Variants in TRA2B observed in about 807,000 individuals in gnomAD.
TRA2B encodes the protein transformer-2 protein homolog beta.
In TRA2B, 14 loss-of-function variants were observed where a neutral mutation model predicts 41.7. That is an observed-to-expected ratio of 0.34 (90% CI 0.22 to 0.53). The LOEUF (loss-of-function observed/expected upper bound fraction) is 0.53, where lower values mean the gene tolerates loss of function less well. Ranked by LOEUF, TRA2B falls within the 20% of genes least tolerant of loss-of-function variation. TRA2B has a pLI of 0.95. For missense variants in TRA2B, 167 were observed against 396.8 expected (o/e 0.42, Z 4.92); for synonymous variants, 130 against 128.8 (o/e 1.01, Z -0.06).
intron 7 of TRA2B, among the ~76,000 whole-genome samples, chr3:185,918,912 T>C (rs1315335137): frequency 3.3e-5 from 5 of 152,026 alleles, no homozygotes; most frequent in South Asian, 2.1e-4. Flanking sequence ...ATGCAGAGAC[T>C]GCAGTGAGCT....
Position 185,935,796 on chromosome 3 carries a change from A to T in TRA2B, c.36+2029T>A, listed in dbSNP as rs4312685. 4.7e-4 allele frequency: 464 copies of T among 985,440 alleles called. 2 individuals are homozygous for T. In the African/African-American group the frequency reaches 7.0e-3, roughly 15 times the overall value. The allele number at this position is 985,440 out of a possible 1,614,324, so 61.0% of individuals were successfully genotyped here. ...GTGTATTCCAACCCTTAAAGGTTCC[A>T]ATTGGAACACAAACACGCAAACACC... is the stretch of plus-strand genomic sequence containing the variant. On this transcript the variant is annotated intron_variant, in intron 1 of 8. Coordinates refer to ENST00000453386, the MANE Select transcript of TRA2B (RefSeq NM_004593.3).
intron 1 of TRA2B, chr3:185,934,677 TCA>T (rs1744280404): frequency 1.0e-6 from 1 of 985,324 alleles, no homozygotes; most frequent in Non-Finnish European, 1.2e-6. Flanking sequence ...CAGAGATGTT[TCA>T]GTTTTGAAAA....
In TRA2B at chr3:185,921,091, C is replaced by T. The variant is rs909748017; in HGVS notation, c.722+13G>A. 4 of 1,611,576 alleles carry T rather than the reference C, an allele frequency of 2.5e-6. No homozygotes were observed. Among genetic ancestry groups the T allele is most frequent in the East Asian group, 4.5e-5 (2 of 44,876 alleles). The stretch of plus-strand genomic sequence containing the variant: ...TGAGATTCAGACGTTGACCTTTCTA[C>T]CTCATAACTTACCTGTATGATCTGC... On this transcript the variant is annotated intron_variant, in intron 6 of 8. Coordinates refer to ENST00000453386, the MANE Select transcript of TRA2B (RefSeq NM_004593.3).
intron 4 of TRA2B, 140 bp downstream of exon 4, chr3:185,923,656 T>A: frequency 1.4e-6 from 1 of 733,742 alleles, no homozygotes; most frequent in Non-Finnish European, 2.1e-6. Flanking sequence ...TCTGCATGTA[T>A]CTTGAGTCTC....
chr3:185,919,536 G>T lies in TRA2B; in HGVS notation c.723-40C>A, dbSNP rs779734563. ...AGGCAACACAACACGCATTCAGTTT[G>T]TAAGTTTTAAAAAATTATGTCATTC... On this transcript the variant is annotated intron_variant, in intron 6 of 8. Transcript: ENST00000453386. 26 of 1,552,562 alleles carry T rather than the reference G, an allele frequency of 1.7e-5. 1 individual carries two copies. In the African/African-American group the frequency reaches 1.9e-4, roughly 12 times the overall value.
chr3:185,921,077 CGTT>C, intron 6 of TRA2B, 24 bp downstream of exon 6: 1 of 1,597,708 alleles, frequency 6.3e-7, no homozygotes, highest in Non-Finnish European at 8.6e-7. Context: ...GAGATTCAGA[CGTT>C]GACCTTTCTA....
Position 185,923,782 on chromosome 3 carries a change from G to A in TRA2B, c.522+14C>T, listed in dbSNP as rs201101279. The A allele has an allele frequency of 1.9e-4, 298 of 1,596,434 alleles. No homozygotes were observed. Among genetic ancestry groups the A allele is most frequent in the Non-Finnish European group, 2.4e-4 (282 of 1,172,210 alleles). ...TAGAACTGATGGTTTACAAAGGAAC[G>A]GGCTTTTACTTACTTCCTTGGCATC... On this transcript the variant is annotated intron_variant, in intron 4 of 8. Transcript: ENST00000453386.
At chr3:185,922,182 T>C in intron 4 of TRA2B, 56 bp from the exon 5 acceptor site, 8 of 1,303,238 alleles carry the variant, frequency 6.1e-6, no homozygotes, top group South Asian at 1.3e-5. Context: ...CTAATTATCC[T>C]GTGGCTATGA....
At position 185,915,236 on chromosome 3, in the gene TRA2B, A is replaced by G. The variant is rs749165836; in HGVS notation, c.*2479T>C. Among the ~76,000 whole-genome samples, 2 of 152,208 alleles carry G rather than the reference A, an allele frequency of 1.3e-5. No individual in the cohort carries two copies. Among genetic ancestry groups the G allele is most frequent in the Non-Finnish European group, 2.9e-5 (2 of 68,034 alleles). ...CTGGGACCCTGTTGATTTCCTGAGA[A>G]GTTTCACAAAAGCCTAGTATAAAAC... On this transcript the variant is annotated 3_prime_UTR_variant, in exon 9 of 9. Coordinates refer to ENST00000453386, the MANE Select transcript of TRA2B (RefSeq NM_004593.3).
chr3:185,922,404 C>CT (rs1367096174), intron 4 of TRA2B: 2 of 250,228 alleles, frequency 8.0e-6, no homozygotes, highest in African/African-American at 2.2e-5. Context: ...AAACTATAGC[C>CT]TGTAGGTCAA....
chr3:185,934,275 C>A (rs966985688), intron 1 of TRA2B, among the ~76,000 whole-genome samples: 2 of 152,070 alleles, frequency 1.3e-5, no homozygotes. Flanking sequence ...TTGTCCTGGG[C>A]AAAATAGCTA....
chr3:185,935,391 A>C, intron 1 of TRA2B: 1 of 985,420 alleles, frequency 1.0e-6, no homozygotes, highest in Non-Finnish European at 1.2e-6. Flanking sequence ...TGAGGGACAC[A>C]CCAGTTCTTT....
chr3:185,924,055 G>A, intron 3 of TRA2B, 71 bp from the exon 4 acceptor site: 2 of 1,359,872 alleles, frequency 1.5e-6, no homozygotes, highest in Non-Finnish European at 2.0e-6. Flanking sequence ...AAAGGGAGCT[G>A]TATACTAGCC....
intron 5 of TRA2B, among the ~76,000 whole-genome samples, 154 bp downstream of exon 5, chr3:185,921,857 C>A (rs1394614386): frequency 6.6e-6 from 1 of 152,200 alleles, no homozygotes; most frequent in Non-Finnish European, 1.5e-5. Context: ...GGTTGAACTT[C>A]TACTATGAGA....
chr3:185,923,280 A>T (rs1208963852), intron 4 of TRA2B: 1 of 152,388 alleles, frequency 6.6e-6, no homozygotes, highest in Non-Finnish European at 1.5e-5. Context: ...TCCGTTTGTC[A>T]TTAAGTGTTT....
At chr3:185,927,747 G>A (rs1744006532) in intron 1 of TRA2B, 1 of 152,190 alleles carries the variant, frequency 6.6e-6, no homozygotes, top group African/African-American at 2.4e-5. Context: ...ACGAGCTAAA[G>A]ACACATAATC....
intron 6 of TRA2B, among the ~76,000 whole-genome samples, chr3:185,920,682 T>C (rs899577137): frequency 3.3e-5 from 5 of 152,260 alleles, no homozygotes; most frequent in Admixed American, 1.3e-4. Context: ...TAGCTGGGAC[T>C]ACAGGCGTGC....
At position 185,936,651 on chromosome 3, in the gene TRA2B, C is replaced by T. The variant is rs912341521; in HGVS notation, c.36+1174G>A. The T allele has an allele frequency of 1.1e-5, 11 of 983,806 alleles. No individual in the cohort carries two copies. The African/African-American group carries it at 1.8e-4, about 16-fold the overall frequency. The allele number at this position is 983,806 out of a possible 1,614,324, so 60.9% of individuals were successfully genotyped here. A position where few individuals can be genotyped will look rare whatever the true frequency, so the allele number is the denominator to read the frequency against. Reference sequence around the variant, plus strand: ...TCAGATCTTAAGGTAGCTTTACCAACAAGGGGAAACTTAGGTAACAAATTG... The same window carrying T: ...TCAGATCTTAAGGTAGCTTTACCAATAAGGGGAAACTTAGGTAACAAATTG... On this transcript the variant is annotated intron_variant, in intron 1 of 8. Coordinates refer to ENST00000453386, the MANE Select transcript of TRA2B (RefSeq NM_004593.3).
chr3:185,931,219 A>T (rs533910328), intron 1 of TRA2B, among the ~76,000 whole-genome samples: 40 of 152,296 alleles, frequency 2.6e-4, no homozygotes, highest in African/African-American at 9.1e-4. Flanking sequence ...AGGAAAGGGG[A>T]CAGTGCAATC....
Sources: gnomAD v4.1 joint callset for allele counts (sites outside exome capture counted in the v4.1 genomes callset) on GRCh38, gnomAD v4.1.1 for gene constraint, MANE v1.5 for transcripts, NCBI Gene and HGNC (gene_info 2026-07-23, HGNC 2026-07-21) for gene names.